The following RYR3 variants were observed in gnomAD, a reference collection of about 807,000 sequenced individuals.
RYR3 encodes brain ryanodine receptor-calcium release channel.
Under a neutral mutation model 584.3 loss-of-function variants are expected in RYR3, and 207 were observed. The observed-to-expected ratio is 0.35, with a 90% CI of 0.32 to 0.40. The LOEUF is 0.40. Among genes scored for constraint, RYR3 ranks in the 10% least tolerant of loss-of-function variants. The pLI, the probability that RYR3 is intolerant of heterozygous loss-of-function variation, is 1.00. For missense variants in RYR3, 5,616 were observed against 6,089.2 expected, an observed-to-expected ratio of 0.92 and a Z score of 2.59; for synonymous variants, 2,416 against 2,248.5, an observed-to-expected ratio of 1.07 and a Z score of -2.11.
chr15:33,701,561 A>T (rs2066302797), intron 42 of RYR3, among the ~76,000 whole-genome samples: 1 of 151,858 alleles, frequency 6.6e-6, no homozygotes, highest in Non-Finnish European at 1.5e-5. Flanking sequence ...TCTTTTCCCC[A>T]TCCCTTTCTT....
At chr15:33,431,514 A>G (rs887221542) in intron 1 of RYR3, among the ~76,000 whole-genome samples, 1 of 152,106 alleles carries the variant, frequency 6.6e-6, no homozygotes, top group Non-Finnish European at 1.5e-5. Flanking sequence ...TATAAACCCA[A>G]CACTTTGGGA....
chr15:33,356,046 T>G (rs1278974096), intron 1 of RYR3, among the ~76,000 whole-genome samples: 1 of 152,020 alleles, frequency 6.6e-6, no homozygotes, highest in Admixed American at 6.6e-5. Context: ...TGGCGGGGGG[T>G]TCTCAGTTTC....
intron 15 of RYR3, 149 bp from the exon 16 acceptor site, chr15:33,585,849 T>G: frequency 3.4e-6 from 2 of 593,470 alleles, no homozygotes; most frequent in East Asian, 5.8e-5. Flanking sequence ...ATGATGCATT[T>G]TTTTTCTGGC....
chr15:33,632,914 CT>C, intron 23 of RYR3, 34 bp from the exon 24 acceptor site: 1 of 1,571,004 alleles, frequency 6.4e-7, no homozygotes, highest in Non-Finnish European at 8.7e-7. Flanking sequence ...TCATGGAGAT[CT>C]GTTAAAAATG....
intron 1 of RYR3, among the ~76,000 whole-genome samples, chr15:33,369,604 GTCTA>G (rs763677985): frequency 1.3e-5 from 2 of 152,020 alleles, no homozygotes; most frequent in African/African-American, 2.4e-5. Context: ...CTGTCTGTCT[GTCTA>G]TCCATCCATC....
At chr15:33,848,595 A>G (rs1487888356) in intron 94 of RYR3, among the ~76,000 whole-genome samples, 174 bp downstream of exon 94, 1 of 152,180 alleles carries the variant, frequency 6.6e-6, no homozygotes, top group East Asian at 1.9e-4. Context: ...ACTTGTATAG[A>G]CTTCTATTAG....
rs184430704 is a variant in RYR3, at chr15:33,493,984, G to A, written c.172-9647G>A. On this transcript the variant is annotated intron_variant, in intron 2 of 103. Transcript: ENST00000634891. ...ATTGATGCAAGTGTTGTTCTCACTT[G>A]AGTTACTAAACCTTCCTCCAAGAGA... is the stretch of plus-strand genomic sequence containing the variant. Among the ~76,000 whole-genome samples, 331 of 152,234 alleles carry A rather than the reference G, an allele frequency of 2.2e-3. 1 individual carries two copies. Among genetic ancestry groups the A allele is most frequent in the African/African-American group, 6.4e-3 (264 of 41,530 alleles).
rs762392050 is a variant in RYR3 at position 33,865,196 on chromosome 15, T to C, written c.14583T>C (p.Phe4861=). The change falls in exon 104 of 104, where the codon TTT becomes TTC. Residue 4861 remains phenylalanine, a synonymous_variant. Coordinates refer to ENST00000634891, the MANE Select transcript of RYR3 (RefSeq NM_001036.6). The stretch of plus-strand genomic sequence containing the variant: ...ATTTCTTCCCAGCCGGTGACTGCTT[T>C]CGTAAACAATATGAAGATCAGCTTG... ...CWDFFPAGDC[F]RKQYEDQLG The C allele has an allele frequency of 2.8e-5, 45 of 1,613,588 alleles. No individual in the cohort carries two copies. The South Asian group carries it at 4.5e-4, about 16-fold the overall frequency.
chr15:33,454,636 G>A (rs1567272778), intron 1 of RYR3, among the ~76,000 whole-genome samples: 1 of 152,208 alleles, frequency 6.6e-6, no homozygotes, highest in African/African-American at 2.4e-5. Context: ...TATGCAGGGA[G>A]CACTATGGAT....
chr15:33,611,589 A>T (rs1439790088), intron 18 of RYR3, among the ~76,000 whole-genome samples: 1 of 151,964 alleles, frequency 6.6e-6, no homozygotes, highest in African/African-American at 2.4e-5. Flanking sequence ...AACTCCATAA[A>T]ATATATATAA....
At chr15:33,834,943 C>G (rs1363946373) in intron 86 of RYR3, 25 bp from the exon 87 acceptor site, 1 of 1,594,668 alleles carries the variant, frequency 6.3e-7, no homozygotes, top group Admixed American at 1.7e-5. Context: ...GTTTAAGTGA[C>G]ATAAGAATGT....
chr15:33,855,949 C>G (rs969352723), intron 98 of RYR3: 2 of 152,154 alleles, frequency 1.3e-5, no homozygotes, highest in African/African-American at 4.8e-5. Context: ...CAGGCTTCCT[C>G]ACATGTCCAA....
chr15:33,631,619 CAG>C (rs961749796), intron 23 of RYR3, among the ~76,000 whole-genome samples: 3 of 152,176 alleles, frequency 2.0e-5, no homozygotes, highest in African/African-American at 4.8e-5. Context: ...CCAGCCATGA[CAG>C]AGAGTCACTC....
At position 33,768,653 on chromosome 15, in the gene RYR3, T is replaced by C. The variant is rs2073308599; in HGVS notation, c.8706-5T>C. On this transcript the variant is annotated splice_region_variant and splice_polypyrimidine_tract_variant and intron_variant, in intron 60 of 103. Coordinates refer to ENST00000634891, the MANE Select transcript of RYR3 (RefSeq NM_001036.6). ...CTTTCTGAATTGCTTTCTTTTCTGC[T>C]TCAGCCTGTTCTGCAAACTTGCCGC... 6 of 1,613,922 alleles carry C rather than the reference T, an allele frequency of 3.7e-6. No individual in the cohort carries two copies. The highest frequency in any genetic ancestry group is 5.1e-6 in the Non-Finnish European group (6 of 1,179,800).
intron 49 of RYR3, among the ~76,000 whole-genome samples, chr15:33,737,667 A>C (rs59730545): frequency 0.011 from 1,601 of 152,258 alleles, 26 homozygotes; most frequent in African/African-American, 0.036. Context: ...TTTTCATCTC[A>C]AAAAAATACT....
In RYR3 at chr15:33,613,368, G is replaced by A. The variant is rs1235068716; in HGVS notation, c.2350G>A (p.Gly784Ser). 1.3e-6 allele frequency: 2 copies of A among 1,598,950 alleles called. No homozygotes were observed. The highest frequency in any genetic ancestry group is 8.5e-7 in the Non-Finnish European group (1 of 1,171,612). The change falls in exon 19 of 104, where the codon GGT becomes AGT. Residue 784 changes from glycine (G) to serine (S), a missense_variant. This residue lies in a region of RYR3 where 1,284 missense variants were observed against 1,344.6 expected (regional missense o/e 0.95). Transcript: ENST00000634891. ...LFFPVMSFSA[G>S]VKVRFLMGGR... is the part of the protein sequence containing the mutation. ...CTTCCCTGTGATGAGCTTTTCAGCA[G>A]GTGTCAAGTAAGTTATGGCTGTGAT... is the stretch of plus-strand genomic sequence containing the variant.
At chr15:33,803,925 T>C (rs2076051624) in intron 69 of RYR3, among the ~76,000 whole-genome samples, 1 of 152,218 alleles carries the variant, frequency 6.6e-6, no homozygotes, top group South Asian at 2.1e-4. Context: ...ATACCAGGAC[T>C]TGGATCCTGG....
At chr15:33,768,620 C>T (rs747688014) in intron 60 of RYR3, 38 bp from the exon 61 acceptor site, 2 of 1,601,980 alleles carry the variant, frequency 1.2e-6, no homozygotes, top group Admixed American at 3.3e-5. Flanking sequence ...GTCCTTTAAT[C>T]TCTGTGACTT....
At position 33,687,573 on chromosome 15, in the gene RYR3, A is replaced by C. The variant is rs186436208; in HGVS notation, c.5861-8645A>C. Among the ~76,000 whole-genome samples the C allele has an allele frequency of 1.0e-3, 157 of 152,294 alleles. 2 individuals are homozygous for C. Among genetic ancestry groups the C allele is most frequent in the Middle Eastern group, 0.01 (3 of 294 alleles). On this transcript the variant is annotated intron_variant, in intron 38 of 103. Transcript: ENST00000634891. Reference sequence around the variant, plus strand: ...AATTGGAAAAAACTACTTTAAAGTTAATATGGAACCAAAAAAGAGCCCACA... The same window carrying C: ...AATTGGAAAAAACTACTTTAAAGTTCATATGGAACCAAAAAAGAGCCCACA...
Sources: gnomAD v4.1 joint callset for allele counts (sites outside exome capture counted in the v4.1 genomes callset) on GRCh38, gnomAD v4.1.1 for gene constraint, gnomAD v4.1.1 regional missense constraint, MANE v1.5 for transcripts, NCBI Gene and HGNC (gene_info 2026-07-23, HGNC 2026-07-21) for gene names.